The following LOC400499 variants were observed in gnomAD, a reference collection of about 807,000 sequenced individuals.
the LOC400499 span, chr16:11,380,995 C>T: frequency 6.4e-6 from 1 of 156,376 alleles, no homozygotes; most frequent in Middle Eastern, 9.4e-4. Flanking sequence ...CCTGGCTCTG[C>T]AAGAAGTTGT....
the LOC400499 span, among the ~76,000 whole-genome samples, chr16:11,418,220 T>C: frequency 6.6e-6 from 1 of 152,214 alleles, no homozygotes; most frequent in Non-Finnish European, 1.5e-5. Context: ...CAGCCCTGCC[T>C]GTTTGTCAGA....
the LOC400499 span, chr16:11,465,517 G>C: frequency 1.3e-5 from 2 of 152,038 alleles, no homozygotes; most frequent in African/African-American, 2.4e-5. Flanking sequence ...ACTAAGTTCC[G>C]TCCAGGTACC....
chr16:11,477,719 G>A, the LOC400499 span: 3 of 396,516 alleles, frequency 7.6e-6, no homozygotes, highest in African/African-American at 2.1e-5. Flanking sequence ...TGCAGAATAG[G>A]GATCCTCTCT....
At chr16:11,423,963 C>T in the LOC400499 span, 104,302 of 397,592 alleles carry the variant, frequency 0.26, 14,092 homozygotes, top group Middle Eastern at 0.34. Flanking sequence ...CTCTCCAGGG[C>T]TGCGCGGAGC....
the LOC400499 span, among the ~76,000 whole-genome samples, chr16:11,495,246 G>A: frequency 3.3e-5 from 5 of 151,462 alleles, no homozygotes; most frequent in African/African-American, 1.2e-4. Flanking sequence ...AACAAAAAAG[G>A]CACTCCATGT....
the LOC400499 span, chr16:11,450,861 A>T: frequency 6.7e-7 from 1 of 1,501,148 alleles, no homozygotes; most frequent in Non-Finnish European, 8.9e-7. Flanking sequence ...CACGGGGTAG[A>T]GAGGAAGCTT....
At chr16:11,468,905 G>C in the LOC400499 span, among the ~76,000 whole-genome samples, 2 of 152,224 alleles carry the variant, frequency 1.3e-5, no homozygotes, top group African/African-American at 4.8e-5. Context: ...GGGATTACAA[G>C]TGTGAGCCAC....
chr16:11,446,629 G>A, the LOC400499 span: 4 of 1,535,998 alleles, frequency 2.6e-6, no homozygotes, highest in South Asian at 2.4e-5. Flanking sequence ...CATCAGACCT[G>A]CACAGACCTG....
At chr16:11,509,466 CT>C in the LOC400499 span, among the ~76,000 whole-genome samples, 2 of 151,854 alleles carry the variant, frequency 1.3e-5, no homozygotes, top group South Asian at 4.2e-4. Context: ...CACACCCTGC[CT>C]TGTAAAGATC....
the LOC400499 span, among the ~76,000 whole-genome samples, chr16:11,453,742 A>G: frequency 6.6e-6 from 1 of 152,004 alleles, no homozygotes; most frequent in African/African-American, 2.4e-5. Context: ...CAGAGGCAGG[A>G]CGATCACTTG....
chr16:11,435,955 G>T, the LOC400499 span: 3 of 398,480 alleles, frequency 7.5e-6, no homozygotes, highest in East Asian at 7.1e-5. Context: ...CCTTCTCCAT[G>T]AAGCCCTCCT....
At chr16:11,447,681 C>A in the LOC400499 span, among the ~76,000 whole-genome samples, 7 of 152,086 alleles carry the variant, frequency 4.6e-5, no homozygotes, top group Admixed American at 3.3e-4. Context: ...GAGAAGACGC[C>A]CCAAGCAGCT....
the LOC400499 span, among the ~76,000 whole-genome samples, chr16:11,378,136 C>T: frequency 2.0e-5 from 3 of 152,024 alleles, no homozygotes; most frequent in South Asian, 4.1e-4. Context: ...AGAGACTTGC[C>T]ACGTTGCCCA....
chr16:11,503,806 A>G, the LOC400499 span, among the ~76,000 whole-genome samples: 1 of 152,176 alleles, frequency 6.6e-6, no homozygotes, highest in Non-Finnish European at 1.5e-5. Context: ...AGGACCCACA[A>G]GCCAGCCCCT....
At chr16:11,425,241 G>C in the LOC400499 span, 2 of 399,000 alleles carry the variant, frequency 5.0e-6, no homozygotes, top group Non-Finnish European at 8.8e-6. Context: ...CCGGATGCTG[G>C]CCTGGGCCCT....
chr16:11,397,749 GGGAGGGAT>G, the LOC400499 span, among the ~76,000 whole-genome samples: 2 of 119,978 alleles, frequency 1.7e-5, no homozygotes, highest in African/African-American at 6.5e-5. Flanking sequence ...GATGGAGGGA[GGGAGGGAT>G]GGAGGGAGGG....
At chr16:11,489,973 G>C in the LOC400499 span, among the ~76,000 whole-genome samples, 1 of 152,204 alleles carries the variant, frequency 6.6e-6, no homozygotes, top group Admixed American at 6.5e-5. Flanking sequence ...ACAGCCTAAA[G>C]GCCTATCAGT....
At chr16:11,466,575 G>C in the LOC400499 span, among the ~76,000 whole-genome samples, 1 of 152,018 alleles carries the variant, frequency 6.6e-6, no homozygotes, top group Non-Finnish European at 1.5e-5. Context: ...TTTTGGTAGA[G>C]ACGGGGTTTT....
chr16:11,490,517 G>C, the LOC400499 span, among the ~76,000 whole-genome samples: 3 of 152,022 alleles, frequency 2.0e-5, no homozygotes, highest in Non-Finnish European at 4.4e-5. Context: ...GGCTAATGTG[G>C]TGAAACCCCG....
Sources: gnomAD v4.1 joint callset for allele counts (sites outside exome capture counted in the v4.1 genomes callset) on GRCh38, gnomAD v4.1.1 for gene constraint, MANE v1.5 for transcripts.